The following RAD54L2 variants were observed in gnomAD, a reference collection of about 807,000 sequenced individuals.
RAD54L2 encodes the protein RAD54 like 2, also known as helicase ARIP4.
A neutral mutation model predicts 138.4 loss-of-function variants in RAD54L2; 27 were observed. That is an observed-to-expected ratio of 0.20 (90% CI 0.14 to 0.27). RAD54L2 has a LOEUF of 0.27. RAD54L2 is among the 10% of genes least tolerant of loss of function. The pLI, the probability that RAD54L2 is intolerant of heterozygous loss-of-function variation, is 1.00. For synonymous variants in RAD54L2, 644 were observed against 723.2 expected, an observed-to-expected ratio of 0.89 and a Z score of 1.76; for missense variants, 1,396 against 1,890.2, an observed-to-expected ratio of 0.74 and a Z score of 4.85.
intron 2 of RAD54L2, among the ~76,000 whole-genome samples, chr3:51,545,857 A>T (rs374014837): frequency 6.8e-6 from 1 of 146,852 alleles, no homozygotes; most frequent in Non-Finnish European, 1.5e-5. Flanking sequence ...ATTAGTTTTT[A>T]TGGGTGATTA....
At chr3:51,541,437 A>C (rs1553671299) in intron 1 of RAD54L2, 152 bp from the exon 2 acceptor site, 1 of 152,210 alleles carries the variant, frequency 6.6e-6, no homozygotes, top group East Asian at 1.9e-4. Context: ...CCACAGGTAA[A>C]ACATTTTGTT....
At chr3:51,654,517 A>G (rs1277988412) in intron 19 of RAD54L2, among the ~76,000 whole-genome samples, 1 of 152,160 alleles carries the variant, frequency 6.6e-6, no homozygotes, top group Non-Finnish European at 1.5e-5. Flanking sequence ...GTGGGACTCA[A>G]TCTCAAAAGA....
intron 3 of RAD54L2, among the ~76,000 whole-genome samples, chr3:51,601,279 T>A (rs1700073817): frequency 6.6e-6 from 1 of 151,308 alleles, no homozygotes; most frequent in Non-Finnish European, 1.5e-5. Context: ...CCCAAAGTGC[T>A]GAGATTACAG....
intron 3 of RAD54L2, among the ~76,000 whole-genome samples, chr3:51,615,960 A>G (rs76440154): frequency 0.051 from 7,810 of 151,830 alleles, 778 homozygotes; most frequent in East Asian, 0.33. Context: ...TTTAATTTCT[A>G]GTTCTTTCTC....
intron 2 of RAD54L2, among the ~76,000 whole-genome samples, chr3:51,549,171 T>G (rs572475371): frequency 6.6e-6 from 1 of 152,104 alleles, no homozygotes; most frequent in East Asian, 1.9e-4. Flanking sequence ...TTTTTGTATT[T>G]GTAGTAGAGA....
intron 2 of RAD54L2, among the ~76,000 whole-genome samples, chr3:51,545,864 A>C (rs1258103243): frequency 6.7e-6 from 1 of 148,670 alleles, no homozygotes; most frequent in African/African-American, 2.5e-5. Flanking sequence ...TTTATGGGTG[A>C]TTAGACTGCA....
intron 2 of RAD54L2, among the ~76,000 whole-genome samples, chr3:51,564,444 A>G (rs1156507143): frequency 1.3e-5 from 2 of 152,368 alleles, no homozygotes; most frequent in East Asian, 1.9e-4. Flanking sequence ...GAGGTTTGTT[A>G]TCTACATGTA....
At chr3:51,619,162 A>G (rs1218988134) in intron 3 of RAD54L2, among the ~76,000 whole-genome samples, 1 of 152,072 alleles carries the variant, frequency 6.6e-6, no homozygotes, top group Non-Finnish European at 1.5e-5. Context: ...GGTTCAAGCA[A>G]TTCTCCTGCC....
At chr3:51,632,892 CAA>C (rs112019447) in intron 7 of RAD54L2, among the ~76,000 whole-genome samples, 13 of 102,080 alleles carry the variant, frequency 1.3e-4, no homozygotes, top group Admixed American at 3.1e-4. Context: ...GACTCCGTCT[CAA>C]AAAAAAAAAA....
At chr3:51,640,114 T>A (rs1701092182) in intron 14 of RAD54L2, 115 bp downstream of exon 14, 2 of 686,796 alleles carry the variant, frequency 2.9e-6, no homozygotes, top group Non-Finnish European at 4.9e-6. Context: ...GTGAGGACCT[T>A]CTTGCATGTT....
intron 3 of RAD54L2, chr3:51,611,477 C>T (rs1388184544): frequency 6.6e-6 from 1 of 151,948 alleles, no homozygotes; most frequent in Non-Finnish European, 1.5e-5. Flanking sequence ...GGTGGCTTTG[C>T]CTTAACTGTA....
intron 2 of RAD54L2, among the ~76,000 whole-genome samples, chr3:51,561,010 CAG>C (rs1699084843): frequency 1.3e-5 from 2 of 152,224 alleles, no homozygotes; most frequent in Non-Finnish European, 2.9e-5. Flanking sequence ...TTCTATGCCA[CAG>C]AGTGACCTTT....
chr3:51,628,404 T>A (rs1393282987), intron 4 of RAD54L2, among the ~76,000 whole-genome samples: 1 of 152,180 alleles, frequency 6.6e-6, no homozygotes, highest in South Asian at 2.1e-4. Flanking sequence ...TTATTTATTT[T>A]TTTTGAGATA....
chr3:51,630,745 C>T lies in RAD54L2; in HGVS notation c.639C>T (p.His213=). The T allele has an allele frequency of 6.2e-7, 1 of 1,613,946 alleles. No individual in the cohort carries two copies. The highest frequency in any genetic ancestry group is 8.5e-7 in the Non-Finnish European group (1 of 1,179,872). The part of the protein sequence containing the change: ...ELSSGEEDTL[H]IVDSSESVSE... ...GCTCTGGAGAGGAGGACACTCTGCA[C>T]ATTGTGGACAGCAGTGAATCTGTCA... The change falls in exon 7 of 23, where the codon CAC becomes CAT. Residue 213 remains histidine (H), a synonymous_variant. Transcript: ENST00000684192.
intron 2 of RAD54L2, among the ~76,000 whole-genome samples, chr3:51,546,296 A>G (rs1025656410): frequency 6.6e-6 from 1 of 152,138 alleles, no homozygotes; most frequent in Non-Finnish European, 1.5e-5. Flanking sequence ...AAATAAAAGC[A>G]TGAAAAGTAA....
At chr3:51,626,320 A>C (rs1345715687) in intron 3 of RAD54L2, among the ~76,000 whole-genome samples, 3 of 151,564 alleles carry the variant, frequency 2.0e-5, no homozygotes, top group Non-Finnish European at 4.4e-5. Context: ...TACCCAGTGA[A>C]CAGAATGCTA....
chr3:51,577,475 A>G (rs1370134197), intron 2 of RAD54L2, among the ~76,000 whole-genome samples: 1 of 152,086 alleles, frequency 6.6e-6, no homozygotes, highest in Non-Finnish European at 1.5e-5. Flanking sequence ...ATTGTTTGGG[A>G]GTCTAAGTCT....
At chr3:51,598,149 ATGTGTGTGTGTG>A (rs778223606) in intron 3 of RAD54L2, among the ~76,000 whole-genome samples, 4 of 128,410 alleles carry the variant, frequency 3.1e-5, no homozygotes, top group Non-Finnish European at 6.8e-5. Context: ...GTATATATAT[ATGTGTGTGTGTG>A]TGTGTGTGTG....
chr3:51,546,537 G>A (rs1437917531), intron 2 of RAD54L2, among the ~76,000 whole-genome samples: 2 of 152,034 alleles, frequency 1.3e-5, no homozygotes, highest in Non-Finnish European at 2.9e-5. Context: ...CTACTTAGGA[G>A]GCTGAGGCAG....
Sources: allele counts gnomAD v4.1 joint callset (sites outside exome capture counted in the v4.1 genomes callset), GRCh38; gene constraint gnomAD v4.1.1; transcripts MANE v1.5; gene names NCBI Gene and HGNC (gene_info 2026-07-23, HGNC 2026-07-21).